Variants in DDHD2 observed in about 807,000 individuals in gnomAD.
DDHD2 encodes triacylglycerol hydrolase DDHD2.
A neutral mutation model predicts 91.2 loss-of-function variants in DDHD2; 62 were observed. That is an observed-to-expected ratio of 0.68 (90% CI 0.55 to 0.84). The LOEUF (loss-of-function observed/expected upper bound fraction) is 0.84, where lower values mean the gene tolerates loss of function less well. Ranked by LOEUF, DDHD2 falls within the 40% of genes least tolerant of loss-of-function variation. The probability of loss-of-function intolerance (pLI) is 0.00; values close to 1 mark genes in which losing one functional copy is unlikely to be tolerated. For missense variants in DDHD2, 740 were observed against 846.9 expected (o/e 0.87, Z 1.57); for synonymous variants, 271 against 293.9 (o/e 0.92, Z 0.80).
At chr8:38,239,343 C>T (rs1469483864) in intron 5 of DDHD2, among the ~76,000 whole-genome samples, 1 of 145,746 alleles carries the variant, frequency 6.9e-6, no homozygotes, top group Non-Finnish European at 1.5e-5. Flanking sequence ...CACTGCACTC[C>T]AGCCTAGGCG....
chr8:38,254,360 G>A (rs1806347579), intron 16 of DDHD2, among the ~76,000 whole-genome samples: 1 of 152,042 alleles, frequency 6.6e-6, no homozygotes, highest in Non-Finnish European at 1.5e-5. Context: ...ATTTATGGTA[G>A]CTGTGACAGA....
intron 1 of DDHD2, among the ~76,000 whole-genome samples, chr8:38,232,501 T>C (rs756610191): frequency 4.4e-4 from 67 of 152,378 alleles, no homozygotes; most frequent in Non-Finnish European, 8.7e-4. Flanking sequence ...AAATGATTGG[T>C]TCCTAAGCGA....
At chr8:38,256,504 G>A (rs1306313521) in intron 16 of DDHD2, among the ~76,000 whole-genome samples, 1 of 151,830 alleles carries the variant, frequency 6.6e-6, no homozygotes, top group Non-Finnish European at 1.5e-5. Context: ...ATTTATTTTC[G>A]TAGAGATGGG....
At position 38,240,378 on chromosome 8, in the gene DDHD2, G is replaced by A. The variant is rs758084406; in HGVS notation, c.712+14G>A. 4 of 1,566,406 alleles carry A rather than the reference G, an allele frequency of 2.6e-6. No homozygotes were observed. The highest frequency in any genetic ancestry group is 2.7e-5 in the African/African-American group (2 of 74,218). ...TTGTACAGTGTGGTAGGTTTGCAAAGCATGTGAGAGAATATTAATCAGTGC... is the reference window on the plus strand; with the variant it reads ...TTGTACAGTGTGGTAGGTTTGCAAAACATGTGAGAGAATATTAATCAGTGC... On this transcript the variant is annotated intron_variant, in intron 6 of 17. Coordinates refer to ENST00000397166, the MANE Select transcript of DDHD2 (RefSeq NM_015214.3).
At chr8:38,273,037 C>CT (rs371402651), downstream of DDHD2, 38 of 149,362 alleles carry the variant, frequency 2.5e-4, no homozygotes, top group Admixed American at 6.0e-4. Context: ...CTATGGTTAC[C>CT]TTTTTTTTTT....
chr8:38,268,606 A>ACCAGTGAACAGCAGCGCCC, intron 1 of DDHD2: 1 of 1,451,520 alleles, frequency 6.9e-7, no homozygotes, highest in South Asian at 1.4e-5. Context: ...AGGCAGCGCC[A>ACCAGTGAACAGCAGCGCCC]CCAGTGAACA....
In DDHD2 at chr8:38,238,104, C is replaced by T. The variant is rs1424300803; in HGVS notation, c.517C>T (p.Gln173Ter). The change falls in exon 5 of 18, where the codon CAG becomes TAG. Residue 173 changes from glutamine (Q) to a stop codon, truncating the protein, a stop_gained. Coordinates refer to ENST00000397166, the MANE Select transcript of DDHD2 (RefSeq NM_015214.3). LOFTEE classifies it high-confidence loss of function. ...LHNPKLMVHY[Q>*]PVAGSDDWGS... ...TCTGTTTAAGCTTATGGTGCATTAC[C>T]AGCCAGTTGCAGGGTCTGATGATTG... 1.2e-6 allele frequency: 2 copies of T among 1,610,232 alleles called. No homozygotes were observed. The highest frequency in any genetic ancestry group is 1.7e-6 in the Non-Finnish European group (2 of 1,178,876).
chr8:38,252,438 C>A, intron 13 of DDHD2, 151 bp downstream of exon 13: 1 of 894,546 alleles, frequency 1.1e-6, no homozygotes, highest in South Asian at 1.7e-5. Flanking sequence ...AGTGATGGAG[C>A]AGAACTGTAC....
At chr8:38,249,862 T>G in intron 11 of DDHD2, 59 bp downstream of exon 11, 1 of 1,185,066 alleles carries the variant, frequency 8.4e-7, no homozygotes. Flanking sequence ...TAGTGTGTCC[T>G]TGTGCTTTGT....
At position 38,254,075 on chromosome 8, in the gene DDHD2, C is replaced by CAA. The variant is rs76331678; in HGVS notation, c.2054+369_2054+370dup. Among the ~76,000 whole-genome samples, 126 of 133,508 alleles carry CAA rather than the reference C, an allele frequency of 9.4e-4. 3 individuals are homozygous for CAA. The highest frequency in any genetic ancestry group is 1.7e-3 in the African/African-American group (61 of 36,088). 87.6% of individuals were successfully genotyped at this position (133,508 alleles called of 152,430 possible). ...TGGGTGACAGAGCAAGACCCTGTCT[C>CAA]AAAAAAAAAAAAAGACCTGTGTACC... On this transcript the variant is annotated intron_variant, in intron 16 of 17. Coordinates refer to ENST00000397166, the MANE Select transcript of DDHD2 (RefSeq NM_015214.3).
chr8:38,238,716 T>G, intron 5 of DDHD2: 7 of 953,594 alleles, frequency 7.3e-6, no homozygotes, highest in African/African-American at 1.8e-5. Context: ...GAGTTTAAAA[T>G]TTCAGGCTTT....
chr8:38,243,761 G>T (rs1180601036), intron 7 of DDHD2, among the ~76,000 whole-genome samples: 1 of 150,596 alleles, frequency 6.6e-6, no homozygotes, highest in African/African-American at 2.4e-5. Context: ...CCCAAGTACT[G>T]CTGGGACTAC....
intron 7 of DDHD2, among the ~76,000 whole-genome samples, chr8:38,243,665 T>G (rs1805408172): frequency 6.6e-6 from 1 of 152,100 alleles, no homozygotes; most frequent in East Asian, 1.9e-4. Flanking sequence ...TTGTATCTTT[T>G]TTTTTTGGTT....
At chr8:38,264,032 C>CA (rs984051768), downstream of DDHD2, 1 of 987,130 alleles carries the variant, frequency 1.0e-6, no homozygotes, top group Non-Finnish European at 1.2e-6. Flanking sequence ...AGGCAGAATA[C>CA]AGTGTGGCTT....
In DDHD2 at chr8:38,267,966, A is replaced by T. The variant is rs1414326332; in HGVS notation, n.88-3156A>T. The T allele has an allele frequency of 4.3e-6, 7 of 1,613,890 alleles. 1 individual carries two copies. The Admixed American group carries it at 1.2e-4, about 27-fold the overall frequency. On this transcript the variant is annotated intron_variant and non_coding_transcript_variant, in intron 1 of 1. Coordinates refer to the DDHD2 transcript ENST00000526071. ...AGCCAGGGCAAGGCTGGCAGCTGCA[A>T]AGCAAAGCCATTAGTTGAAAGGATC...
Position 38,240,218 on chromosome 8 carries a change from A to T in DDHD2, c.623-57A>T, listed in dbSNP as rs111425974. The T allele has an allele frequency of 1.5e-3, 1,530 of 1,007,842 alleles. 12 individuals are homozygous for T. The African/African-American group carries it at 0.019, about 12-fold the overall frequency. 62.4% of individuals were successfully genotyped at this position (1,007,842 alleles called of 1,614,324 possible). A position where few individuals can be genotyped will look rare whatever the true frequency, so the allele number is the denominator to read the frequency against. On this transcript the variant is annotated intron_variant, in intron 5 of 17. Coordinates refer to ENST00000397166, the MANE Select transcript of DDHD2 (RefSeq NM_015214.3). Reference sequence around the variant, plus strand: ...ATTTATAACCTTTTCATGATGAATGATATTAGAATACATGACTAATTATAC... The same window carrying T: ...ATTTATAACCTTTTCATGATGAATGTTATTAGAATACATGACTAATTATAC...
intron 16 of DDHD2, 71 bp downstream of exon 16, chr8:38,253,789 A>C: frequency 6.7e-7 from 1 of 1,489,212 alleles, no homozygotes; most frequent in Admixed American, 1.8e-5. Flanking sequence ...ATGTAGAAAA[A>C]GGAGGATAGG....
At chr8:38,268,442 GGA>G in intron 1 of DDHD2, 1 of 1,574,532 alleles carries the variant, frequency 6.4e-7, no homozygotes, top group Non-Finnish European at 8.6e-7. Flanking sequence ...CAGAGACAGT[GGA>G]GAGAGAAATG....
At chr8:38,255,194 C>CAAAAAA (rs34259167) in intron 16 of DDHD2, 5 of 118,334 alleles carry the variant, frequency 4.2e-5, no homozygotes, top group Admixed American at 1.4e-4. Context: ...GACTCCATCT[C>CAAAAAA]AAAAAAAAAA....
Sources: allele counts gnomAD v4.1 joint callset (sites outside exome capture counted in the v4.1 genomes callset), GRCh38; gene constraint gnomAD v4.1.1; transcripts MANE v1.5; gene names NCBI Gene and HGNC (gene_info 2026-07-23, HGNC 2026-07-21).